The following ADAM10 variants were observed in gnomAD, a reference collection of about 807,000 sequenced individuals.
The protein encoded by ADAM10 is disintegrin and metalloproteinase domain-containing protein 10.
Under a neutral mutation model 90.1 loss-of-function variants are expected in ADAM10, and 17 were observed. The ratio of observed to expected loss-of-function variants is 0.19; its 90% CI spans 0.13 to 0.28. The LOEUF is 0.28. Among genes scored for constraint, ADAM10 ranks in the 10% least tolerant of loss-of-function variants. ADAM10 has a pLI of 1.00. For missense variants in ADAM10, 610 were observed against 914.3 expected (o/e 0.67, Z 4.29); for synonymous variants, 310 against 298.6 (o/e 1.04, Z -0.40).
intron 3 of ADAM10, 34 bp downstream of exon 3, chr15:58,682,162 T>C (rs753319186): frequency 6.3e-7 from 1 of 1,591,258 alleles, no homozygotes; most frequent in South Asian, 1.1e-5. Flanking sequence ...AAAAAAAAAA[T>C]GGAAGAAAAG....
intron 14 of ADAM10, among the ~76,000 whole-genome samples, chr15:58,603,853 T>C (rs1312261253): frequency 2.0e-5 from 2 of 99,904 alleles, no homozygotes; most frequent in Non-Finnish European, 3.8e-5. Flanking sequence ...AAATCCATCC[T>C]AGAAAGATTG....
intron 2 of ADAM10, among the ~76,000 whole-genome samples, chr15:58,708,583 A>G (rs1351822404): frequency 2.0e-5 from 3 of 152,174 alleles, no homozygotes; most frequent in Non-Finnish European, 2.9e-5. Context: ...GGACTGCTTG[A>G]GCTCAGAAGT....
In ADAM10 at chr15:58,749,654, G is replaced by A. The variant is rs1899917228; in HGVS notation, c.-120C>T. On this transcript the variant is annotated 5_prime_UTR_variant, in exon 1 of 16. Transcript: ENST00000260408. ...TCCACGGGAAGCCGGGACCTCCCCT[G>A]GCAGGAGAAACGGCGAAGCACCTCC... 1 of 1,500,934 alleles carries A rather than the reference G, an allele frequency of 6.7e-7. No individual in the cohort carries two copies. The highest frequency in any genetic ancestry group is 9.0e-7 in the Non-Finnish European group (1 of 1,116,722). 93.0% of individuals were successfully genotyped at this position (1,500,934 alleles called of 1,614,324 possible).
At chr15:58,678,251 G>A (rs1897340085) in intron 4 of ADAM10, among the ~76,000 whole-genome samples, 1 of 152,180 alleles carries the variant, frequency 6.6e-6, no homozygotes, top group African/African-American at 2.4e-5. Context: ...TTGGACAGAT[G>A]AAGTACAAAA....
chr15:58,746,568 C>A (rs1460120245), intron 1 of ADAM10, among the ~76,000 whole-genome samples: 1 of 152,066 alleles, frequency 6.6e-6, no homozygotes. Flanking sequence ...GGCTTCCCAT[C>A]CTAGTAATAT....
intron 1 of ADAM10, among the ~76,000 whole-genome samples, chr15:58,721,237 A>C (rs921033785): frequency 6.6e-6 from 1 of 152,226 alleles, no homozygotes; most frequent in Non-Finnish European, 1.5e-5. Context: ...CTGGCAAAAG[A>C]CCTGAGTAAT....
chr15:58,649,697 T>C (rs1896638311), intron 5 of ADAM10, among the ~76,000 whole-genome samples: 2 of 152,224 alleles, frequency 1.3e-5, no homozygotes, highest in African/African-American at 2.4e-5. Flanking sequence ...AAACTTTTTC[T>C]CACCGGCTGC....
chr15:58,645,040 T>C (rs1196480891), intron 6 of ADAM10, among the ~76,000 whole-genome samples: 1 of 152,218 alleles, frequency 6.6e-6, no homozygotes, highest in Non-Finnish European at 1.5e-5. Context: ...TTACAAAAAG[T>C]ACTCTTGCTA....
At chr15:58,611,780 A>T (rs1023395557) in intron 12 of ADAM10, 28 bp downstream of exon 12, 2 of 1,607,026 alleles carry the variant, frequency 1.2e-6, no homozygotes, top group Non-Finnish European at 1.7e-6. Flanking sequence ...CTAAAATTAA[A>T]TTTTAAAACA....
In ADAM10 at chr15:58,662,286, C is replaced by A. The variant is rs537661505; in HGVS notation, c.585+2811G>T. On this transcript the variant is annotated intron_variant, in intron 5 of 15. Transcript: ENST00000260408. ...AAGGGCAGGTCTGAAGTAGCTTCTA[C>A]TCTAGGGCTAGGTTAGCCCTGCTAC... Among the ~76,000 whole-genome samples the A allele has an allele frequency of 2.0e-5, 3 of 152,312 alleles. No individual in the cohort carries two copies. The East Asian group carries it at 5.8e-4, about 29-fold the overall frequency.
At chr15:58,728,609 T>C (rs1162036447) in intron 1 of ADAM10, among the ~76,000 whole-genome samples, 1 of 151,192 alleles carries the variant, frequency 6.6e-6, no homozygotes, top group East Asian at 1.9e-4. Context: ...AAAAGAAAAA[T>C]GTTGCAGCAA....
intron 6 of ADAM10, among the ~76,000 whole-genome samples, 175 bp from the exon 7 acceptor site, chr15:58,644,153 G>C (rs1393705966): frequency 3.3e-5 from 5 of 151,174 alleles, no homozygotes; most frequent in African/African-American, 1.2e-4. Flanking sequence ...GCTGGGAAGG[G>C]AGATTCTACT....
rs1287738361 is a variant in ADAM10 at position 58,588,908 on chromosome 15, C to A, written c.*8639G>T. The A allele has an allele frequency of 6.6e-6, 1 of 152,136 alleles. No individual in the cohort carries two copies. The highest frequency in any genetic ancestry group is 1.5e-5 in the Non-Finnish European group (1 of 68,020). 9.4% of individuals were successfully genotyped at this position (152,136 alleles called of 1,614,324 possible). On this transcript the variant is annotated 3_prime_UTR_variant, in exon 16 of 16. Coordinates refer to ENST00000260408, the MANE Select transcript of ADAM10 (RefSeq NM_001110.4). ...TGCCCCAAAGCTAAGTTATGCCTTT[C>A]CCATTTTTGCAAAACATGGTCGGTA...
chr15:58,720,612 A>G (rs776745007), intron 1 of ADAM10, among the ~76,000 whole-genome samples: 4 of 151,754 alleles, frequency 2.6e-5, no homozygotes, highest in Non-Finnish European at 5.9e-5. Context: ...CATGTTAGTC[A>G]GGATAGTCTC....
At chr15:58,646,658 C>T (rs1318407295) in intron 5 of ADAM10, among the ~76,000 whole-genome samples, 1 of 152,206 alleles carries the variant, frequency 6.6e-6, no homozygotes, top group Non-Finnish European at 1.5e-5. Flanking sequence ...TTTAATCAAC[C>T]AATAGCCACT....
rs1180527607 is a variant in ADAM10 at position 58,591,343 on chromosome 15, A to G, written c.*6204T>C. The G allele has an allele frequency of 6.6e-6, 1 of 152,242 alleles. No individual in the cohort carries two copies. Among genetic ancestry groups the G allele is most frequent in the Non-Finnish European group, 1.5e-5 (1 of 68,050 alleles). The allele number at this position is 152,242 out of a possible 1,614,324, so 9.4% of individuals were successfully genotyped here. A position where few individuals can be genotyped will look rare whatever the true frequency, so the allele number is the denominator to read the frequency against. On this transcript the variant is annotated 3_prime_UTR_variant, in exon 16 of 16. Coordinates refer to ENST00000260408, the MANE Select transcript of ADAM10 (RefSeq NM_001110.4). ...TAAAACAATCATTATGAAAATCATTATGAATACAGGTCATTATCATGAATT... is the reference window on the plus strand; with the variant it reads ...TAAAACAATCATTATGAAAATCATTGTGAATACAGGTCATTATCATGAATT...
chr15:58,664,363 T>G (rs1358381951), intron 5 of ADAM10, among the ~76,000 whole-genome samples: 2 of 152,048 alleles, frequency 1.3e-5, no homozygotes, highest in African/African-American at 4.8e-5. Context: ...CTTTCCACAG[T>G]CTCTGACATA....
intron 10 of ADAM10, among the ~76,000 whole-genome samples, chr15:58,622,949 T>C (rs1895831190): frequency 6.6e-6 from 1 of 152,186 alleles, no homozygotes; most frequent in Admixed American, 6.5e-5. Context: ...ACAGACTATA[T>C]CTAGGGTTTT....
intron 7 of ADAM10, 54 bp downstream of exon 7, chr15:58,643,832 C>T (rs1167177174): frequency 3.9e-6 from 5 of 1,292,780 alleles, no homozygotes; most frequent in Non-Finnish European, 5.6e-6. Flanking sequence ...TGTGTGTAAA[C>T]ATAGTCTGGA....
Sources: gnomAD v4.1 joint callset for allele counts (sites outside exome capture counted in the v4.1 genomes callset) on GRCh38, gnomAD v4.1.1 for gene constraint, MANE v1.5 for transcripts, NCBI Gene and HGNC (gene_info 2026-07-23, HGNC 2026-07-21) for gene names.